RAB2A: variants seen among roughly 807,000 people sequenced by gnomAD.
RAB2A encodes ras-related protein Rab-2A.
Under a neutral mutation model 32.5 loss-of-function variants are expected in RAB2A, and 7 were observed. The ratio of observed to expected loss-of-function variants is 0.22; its 90% CI spans 0.12 to 0.40. The LOEUF (loss-of-function observed/expected upper bound fraction) is 0.40, where lower values mean the gene tolerates loss of function less well. Among genes scored for constraint, RAB2A ranks in the 10% least tolerant of loss-of-function variants. The probability of loss-of-function intolerance (pLI) is 1.00; values close to 1 mark genes in which losing one functional copy is unlikely to be tolerated. For missense variants in RAB2A, 108 were observed against 260.7 expected (o/e 0.41, Z 4.03); for synonymous variants, 79 against 85.2 (o/e 0.93, Z 0.40).
In RAB2A at chr8:60,605,832, C is replaced by CATATATATATAT. The variant is rs1328541490; in HGVS notation, c.475-12741_475-12740insTATATATATATA. 2.9e-3 allele frequency among the ~76,000 whole-genome samples: 355 copies of CATATATATATAT among 120,774 alleles called. 25 individuals carry two copies. The highest frequency in any genetic ancestry group is 0.013 in the South Asian group (52 of 3,886). The allele number at this position is 120,774 out of a possible 152,430, so 79.2% of individuals were successfully genotyped here. ...GGCTCATAGGCAAAAGGGACTAATA[C>CATATATATATAT]ATATATACATATATATATATAATGC... On this transcript the variant is annotated intron_variant, in intron 6 of 7. Transcript: ENST00000262646.
At chr8:60,546,432 A>G (rs755491926) in intron 1 of RAB2A, among the ~76,000 whole-genome samples, 20 of 152,196 alleles carry the variant, frequency 1.3e-4, no homozygotes, top group Non-Finnish European at 1.0e-4. Flanking sequence ...GGTAATAAAG[A>G]TGCAAGAAAA....
intron 6 of RAB2A, among the ~76,000 whole-genome samples, chr8:60,602,122 C>T (rs887554560): frequency 1.3e-5 from 2 of 152,022 alleles, no homozygotes; most frequent in Non-Finnish European, 2.9e-5. Context: ...AAGATATCCT[C>T]CCACCTTAGC....
chr8:60,524,469 A>G (rs887231781), intron 1 of RAB2A, among the ~76,000 whole-genome samples: 1 of 152,140 alleles, frequency 6.6e-6, no homozygotes, highest in African/African-American at 2.4e-5. Flanking sequence ...TCCCTCTCCT[A>G]ACTTTACATT....
intron 2 of RAB2A, among the ~76,000 whole-genome samples, chr8:60,561,999 C>T (rs906222625): frequency 3.9e-5 from 6 of 152,152 alleles, no homozygotes; most frequent in Admixed American, 6.5e-5. Context: ...TTCCCTAACA[C>T]GTATAGACAC....
intron 2 of RAB2A, among the ~76,000 whole-genome samples, chr8:60,561,471 G>A (rs1234578936): frequency 6.6e-6 from 1 of 152,116 alleles, no homozygotes; most frequent in Non-Finnish European, 1.5e-5. Flanking sequence ...TCTTAAGGAG[G>A]GAACCCGGGA....
chr8:60,537,663 G>A (rs1243536924), intron 1 of RAB2A, among the ~76,000 whole-genome samples: 1 of 152,010 alleles, frequency 6.6e-6, no homozygotes, highest in Non-Finnish European at 1.5e-5. Flanking sequence ...ATTCTAAGAG[G>A]TATTTATAAC....
chr8:60,619,348 C>G, intron 7 of RAB2A, among the ~76,000 whole-genome samples: 1 of 152,100 alleles, frequency 6.6e-6, no homozygotes, highest in Non-Finnish European at 1.5e-5. Context: ...CCTACTTATT[C>G]TTACATAAAT....
chr8:60,584,613 A>G lies in RAB2A; in HGVS notation c.270-110A>G, dbSNP rs570745090. 64 of 848,170 alleles carry G rather than the reference A, an allele frequency of 7.5e-5. 3 individuals carry two copies. In the South Asian group the frequency reaches 9.4e-4, roughly 13 times the overall value. 52.5% of individuals were successfully genotyped at this position (848,170 alleles called of 1,614,324 possible). ...ATGGTGCTTAAAACTACTTCTCGTTACATAAGTGGATATGGCTAAAAGTGG... is the reference window on the plus strand; with the variant it reads ...ATGGTGCTTAAAACTACTTCTCGTTGCATAAGTGGATATGGCTAAAAGTGG... On this transcript the variant is annotated intron_variant, in intron 4 of 7. Transcript: ENST00000262646.
intron 3 of RAB2A, among the ~76,000 whole-genome samples, chr8:60,573,429 G>A (rs945510483): frequency 2.6e-5 from 4 of 152,184 alleles, no homozygotes; most frequent in African/African-American, 7.2e-5. Flanking sequence ...AGTTGCTGAA[G>A]GCTGCTGTGG....
At chr8:60,522,129 A>G (rs1807311792) in intron 1 of RAB2A, among the ~76,000 whole-genome samples, 1 of 152,224 alleles carries the variant, frequency 6.6e-6, no homozygotes, top group African/African-American at 2.4e-5. Context: ...ATAGTAGGCT[A>G]ACAAGGAATA....
intron 1 of RAB2A, among the ~76,000 whole-genome samples, chr8:60,535,402 G>A (rs1053777907): frequency 3.9e-5 from 6 of 152,206 alleles, no homozygotes; most frequent in Admixed American, 2.0e-4. Flanking sequence ...ATAAGCCTGT[G>A]TGTGTGTACA....
At chr8:60,581,946 C>CTTTT (rs386412883) in intron 3 of RAB2A, among the ~76,000 whole-genome samples, 1 of 140,378 alleles carries the variant, frequency 7.1e-6, no homozygotes, top group Non-Finnish European at 1.5e-5. Flanking sequence ...GTTTTTCTTT[C>CTTTT]TTTTTTTTTT....
rs1261737322 is a variant in RAB2A, at chr8:60,517,736, C to CT, written c.46+488dup. On this transcript the variant is annotated intron_variant, in intron 1 of 7. Coordinates refer to ENST00000262646, the MANE Select transcript of RAB2A (RefSeq NM_002865.3). ...CATCTATCAAGGCCTGGGCAAGGCG[C>CT]TTTTTGGCGTGGGACAGGCAGCCGA... Among the ~76,000 whole-genome samples the CT allele has an allele frequency of 4.6e-5, 7 of 152,196 alleles. No homozygotes were observed. In the East Asian group the frequency reaches 1.4e-3, roughly 29 times the overall value.
chr8:60,573,551 T>G (rs978536481), intron 3 of RAB2A, among the ~76,000 whole-genome samples: 11 of 152,178 alleles, frequency 7.2e-5, no homozygotes, highest in African/African-American at 2.7e-4. Flanking sequence ...GGTTCTTGTG[T>G]TTTTTTGCCT....
intron 1 of RAB2A, chr8:60,553,018 C>G (rs187626629): frequency 2.0e-4 from 31 of 152,204 alleles, no homozygotes; most frequent in Middle Eastern, 3.4e-3. Flanking sequence ...CCTTCCTGTT[C>G]TACACACTGT....
intron 7 of RAB2A, among the ~76,000 whole-genome samples, chr8:60,619,337 G>C (rs748414679): frequency 9.9e-5 from 15 of 152,124 alleles, no homozygotes; most frequent in Non-Finnish European, 1.8e-4. Flanking sequence ...TGTGGATGTA[G>C]CCTACTTATT....
intron 2 of RAB2A, among the ~76,000 whole-genome samples, chr8:60,559,726 A>G (rs1385186935): frequency 6.6e-6 from 1 of 152,248 alleles, no homozygotes; most frequent in Non-Finnish European, 1.5e-5. Context: ...TTAGTCAAAT[A>G]TGAAGACGAG....
chr8:60,566,754 C>T (rs780145351), intron 2 of RAB2A, among the ~76,000 whole-genome samples: 1 of 152,116 alleles, frequency 6.6e-6, no homozygotes, highest in Non-Finnish European at 1.5e-5. Flanking sequence ...ATCCCTTACC[C>T]CCTTCCCAAA....
intron 1 of RAB2A, among the ~76,000 whole-genome samples, chr8:60,549,126 GC>G (rs1807800972): frequency 4.6e-5 from 7 of 151,610 alleles, no homozygotes; most frequent in African/African-American, 1.7e-4. Flanking sequence ...TGGGATGGCG[GC>G]CGGGCAGAGA....
Sources: gnomAD v4.1 joint callset for allele counts (sites outside exome capture counted in the v4.1 genomes callset) on GRCh38, gnomAD v4.1.1 for gene constraint, MANE v1.5 for transcripts, NCBI Gene and HGNC (gene_info 2026-07-23, HGNC 2026-07-21) for gene names.